Variants in PCM1 observed in about 807,000 individuals in gnomAD.
PCM1 encodes the protein pericentriolar material 1, also known as pericentriolar material 1 protein.
In PCM1, 157 loss-of-function variants were observed where a neutral mutation model predicts 241.9. The observed-to-expected ratio is 0.65, with a 90% CI of 0.57 to 0.74. The LOEUF (loss-of-function observed/expected upper bound fraction) is 0.74. Among genes scored for constraint, PCM1 ranks in the 30% least tolerant of loss-of-function variants. The probability of loss-of-function intolerance (pLI) is 0.00; values close to 1 mark genes in which losing one functional copy is unlikely to be tolerated. For missense variants in PCM1, 3,478 were observed against 2,360.1 expected, an observed-to-expected ratio of 1.47 and a Z score of -9.81; for synonymous variants, 1,085 against 784.9, an observed-to-expected ratio of 1.38 and a Z score of -6.39.
intron 23 of PCM1, chr8:17,980,332 A>G (rs1385886213): frequency 2.1e-5 from 6 of 285,196 alleles, no homozygotes; most frequent in Admixed American, 1.0e-4. Context: ...AAGGTCTGCC[A>G]TATACTTCGA....
Position 18,009,668 on chromosome 8 carries a change from A to G in PCM1, c.5084A>G (p.Asn1695Ser), listed in dbSNP as rs201827838. ...AFFKLMQDLDNNSITVKQRCK... is the reference protein window; with the variant it reads ...AFFKLMQDLDSNSITVKQRCK... ...TTTAAGCTTATGCAAGATTTGGATA[A>G]TAATAGTATAACTGTTAAACAGAGA... The change falls in exon 31 of 39, where the codon AAT becomes AGT. Residue 1695 changes from asparagine to serine, a missense_variant. Asn to Ser is a conservative substitution (Grantham distance 46). Coordinates refer to ENST00000325083, the MANE Select transcript of PCM1 (RefSeq NM_006197.4). 2.3e-4 allele frequency: 366 copies of G among 1,579,948 alleles called. 3 individuals carry two copies. The African/African-American group carries it at 4.2e-3, about 18-fold the overall frequency.
Position 18,029,184 on chromosome 8 carries a change from T to TTAAC in PCM1, c.*1524_*1527dup, listed in dbSNP as rs1167192055. On this transcript the variant is annotated 3_prime_UTR_variant, in exon 39 of 39. Coordinates refer to ENST00000325083, the MANE Select transcript of PCM1 (RefSeq NM_006197.4). ...AAAAAAAAAAAAAAAAAAAAAAAAG[T>TTAAC]TAACTTGCTGTATACCTCAGTGTAA... 6.4e-6 allele frequency: 1 copy of TTAAC among 156,914 alleles called. No homozygotes were observed. The highest frequency in any genetic ancestry group is 1.3e-5 in the Non-Finnish European group (1 of 75,036). The allele number at this position is 156,914 out of a possible 1,614,324, so 9.7% of individuals were successfully genotyped here. A position where few individuals can be genotyped will look rare whatever the true frequency, so the allele number is the denominator to read the frequency against.
chr8:17,969,072 C>T (rs942688475), intron 21 of PCM1, among the ~76,000 whole-genome samples: 2 of 149,888 alleles, frequency 1.3e-5, no homozygotes, highest in African/African-American at 4.9e-5. Flanking sequence ...TGATACATAA[C>T]AGTATTTGGT....
intron 29 of PCM1, among the ~76,000 whole-genome samples, chr8:17,996,256 T>C (rs1390053752): frequency 2.0e-5 from 3 of 152,166 alleles, no homozygotes; most frequent in African/African-American, 4.8e-5. Context: ...GGATGTTGAA[T>C]TTTATCAAAT....
In PCM1 at chr8:17,952,951, G is replaced by A. The variant is rs2066642066; in HGVS notation, c.1072-19G>A. 1 of 1,456,226 alleles carries A rather than the reference G, an allele frequency of 6.9e-7. No individual in the cohort carries two copies. The highest frequency in any genetic ancestry group is 9.3e-7 in the Non-Finnish European group (1 of 1,079,758). The allele number at this position is 1,456,226 out of a possible 1,614,324, so 90.2% of individuals were successfully genotyped here. A position where few individuals can be genotyped will look rare whatever the true frequency, so the allele number is the denominator to read the frequency against. On this transcript the variant is annotated intron_variant, in intron 8 of 38. Coordinates refer to ENST00000325083, the MANE Select transcript of PCM1 (RefSeq NM_006197.4). ...GCGTTAGTCTTAATTCTTCTTTTTT[G>A]TTGTTTTTTTTTAATAAGCCTCCAG...
chr8:18,010,787 C>T (rs1381706663), intron 32 of PCM1, 119 bp downstream of exon 32: 2 of 648,982 alleles, frequency 3.1e-6, no homozygotes, highest in Admixed American at 3.1e-5. Flanking sequence ...TCCAGACCAG[C>T]CTGGCCAACA....
intron 35 of PCM1, among the ~76,000 whole-genome samples, 180 bp downstream of exon 35, chr8:18,014,216 C>T (rs1474123529): frequency 2.0e-5 from 3 of 151,516 alleles, no homozygotes; most frequent in African/African-American, 7.3e-5. Flanking sequence ...GAATTTGTTT[C>T]TATAAACAAT....
At chr8:17,981,431 C>T (rs1020574518) in intron 24 of PCM1, among the ~76,000 whole-genome samples, 3 of 152,098 alleles carry the variant, frequency 2.0e-5, no homozygotes, top group African/African-American at 7.2e-5. Context: ...GCCTTAATCA[C>T]ATTATTATAG....
intron 34 of PCM1, among the ~76,000 whole-genome samples, chr8:18,012,977 G>T (rs143126815): frequency 2.6e-5 from 4 of 152,012 alleles, no homozygotes; most frequent in Non-Finnish European, 5.9e-5. Context: ...GCTGAACCTT[G>T]GTTCTTTATA....
chr8:17,937,279 A>T lies in PCM1; in HGVS notation c.242A>T (p.His81Leu). 1.2e-6 allele frequency: 2 copies of T among 1,610,872 alleles called. No homozygotes were observed. The highest frequency in any genetic ancestry group is 1.7e-6 in the Non-Finnish European group (2 of 1,177,762). ...GVGRRRTKTPHTFPHSRYMSQ... is the reference protein window; with the variant it reads ...GVGRRRTKTPLTFPHSRYMSQ... The stretch of plus-strand genomic sequence containing the variant: ...GGAAGGCGAAGAACAAAGACTCCAC[A>T]TACGTTCCCACACAGTAGATACATG... Residue 81 changes from histidine to leucine, a missense_variant, in exon 4 of 39, where the codon CAT becomes CTT. Physicochemically the swap from His to Leu is moderately conservative, Grantham distance 99. Transcript: ENST00000325083.
intron 13 of PCM1, among the ~76,000 whole-genome samples, chr8:17,958,577 A>G (rs2069913116): frequency 6.6e-6 from 1 of 152,028 alleles, no homozygotes; most frequent in Non-Finnish European, 1.5e-5. Flanking sequence ...GGTGTTGTGT[A>G]TATATATATA....
chr8:17,958,001 C>G (rs377184181), intron 13 of PCM1, among the ~76,000 whole-genome samples: 29 of 152,228 alleles, frequency 1.9e-4, no homozygotes, highest in African/African-American at 6.7e-4. Context: ...GATATAGTAT[C>G]TGTCACAATT....
intron 2 of PCM1, among the ~76,000 whole-genome samples, chr8:17,933,988 G>A (rs1368280137): frequency 6.6e-6 from 1 of 151,856 alleles, no homozygotes; most frequent in Non-Finnish European, 1.5e-5. Flanking sequence ...ATAACAGGAA[G>A]GGTCAATGTA....
intron 23 of PCM1, among the ~76,000 whole-genome samples, chr8:17,977,992 G>C (rs1421449442): frequency 1.3e-5 from 2 of 151,980 alleles, no homozygotes; most frequent in Non-Finnish European, 2.9e-5. Flanking sequence ...ACTGAAAGAG[G>C]CAAAACCTAG....
chr8:18,004,386 T>C (rs1419517530), intron 29 of PCM1, among the ~76,000 whole-genome samples: 2 of 152,194 alleles, frequency 1.3e-5, no homozygotes, highest in Non-Finnish European at 2.9e-5. Context: ...CATTTGACCT[T>C]TTAAGCGCTA....
At position 18,009,603 on chromosome 8, in the gene PCM1, T is replaced by C; in HGVS notation, c.5019T>C (p.Leu1673=). The C allele has an allele frequency of 6.2e-7, 1 of 1,602,198 alleles. No individual in the cohort carries two copies. Among genetic ancestry groups the C allele is most frequent in the South Asian group, 1.1e-5 (1 of 88,728 alleles). ...TGAAAGACTGTGGAGAAGATCTTCT[T>C]GTAGAGATATCTGAAGTGTTGTTCA... ...RKLKDCGEDL[L]VEISEVLFNE... Residue 1673 remains leucine (L), a synonymous_variant, in exon 31 of 39, where the codon CTT becomes CTC. Coordinates refer to ENST00000325083, the MANE Select transcript of PCM1 (RefSeq NM_006197.4).
At chr8:17,959,894 C>T (rs2070850364) in intron 13 of PCM1, 120 bp from the exon 14 acceptor site, 1 of 909,890 alleles carries the variant, frequency 1.1e-6, no homozygotes, top group Non-Finnish European at 1.7e-6. Flanking sequence ...TACAAACGTG[C>T]TTTCTTTACT....
chr8:17,990,225 C>T (rs1196501053), intron 27 of PCM1, among the ~76,000 whole-genome samples: 1 of 151,926 alleles, frequency 6.6e-6, no homozygotes, highest in East Asian at 1.9e-4. Context: ...TTGCTATGTT[C>T]TTGTGAAAAT....
chr8:17,961,329 G>A (rs1348248807), intron 15 of PCM1, among the ~76,000 whole-genome samples: 1 of 4,124 alleles, frequency 2.4e-4, no homozygotes, highest in Non-Finnish European at 6.0e-4. Flanking sequence ...TTTTTTTTTT[G>A]AGACGGAGTC....
Sources: allele counts gnomAD v4.1 joint callset (sites outside exome capture counted in the v4.1 genomes callset), GRCh38; gene constraint gnomAD v4.1.1; transcripts MANE v1.5; gene names NCBI Gene and HGNC (gene_info 2026-07-23, HGNC 2026-07-21).